VWC2: variants seen among roughly 807,000 people sequenced by gnomAD.
VWC2 encodes brorin.
In VWC2, 14 loss-of-function variants were observed where a neutral mutation model predicts 29.8. That is an observed-to-expected ratio of 0.47 (90% CI 0.31 to 0.74). The LOEUF (loss-of-function observed/expected upper bound fraction) is 0.74, where lower values mean the gene tolerates loss of function less well. Among genes scored for constraint, VWC2 ranks in the 30% least tolerant of loss-of-function variants. The probability of loss-of-function intolerance (pLI) is 0.05; values close to 1 mark genes in which losing one functional copy is unlikely to be tolerated. For synonymous variants in VWC2, 213 were observed against 199.0 expected, an observed-to-expected ratio of 1.07 and a Z score of -0.59; for missense variants, 457 against 459.8, an observed-to-expected ratio of 0.99 and a Z score of 0.05.
In VWC2 at chr7:49,915,095, A is replaced by G. The variant is rs1036607654; in HGVS notation, c.*2910A>G. The G allele has an allele frequency of 6.6e-6, 1 of 152,234 alleles. No individual in the cohort carries two copies. The highest frequency in any genetic ancestry group is 1.5e-5 in the Non-Finnish European group (1 of 68,042). The allele number at this position is 152,234 out of a possible 1,614,324, so 9.4% of individuals were successfully genotyped here. The stretch of plus-strand genomic sequence containing the variant: ...TTATCTGATGTCTTAGAGGTTTTCA[A>G]GTTAAATTCATTCTTTCAGTGATAG... On this transcript the variant is annotated 3_prime_UTR_variant, in exon 4 of 4. Transcript: ENST00000340652.
intron 2 of VWC2, among the ~76,000 whole-genome samples, chr7:49,779,758 G>A (rs1338550023): frequency 6.6e-6 from 1 of 152,150 alleles, no homozygotes; most frequent in African/African-American, 2.4e-5. Context: ...ACATTTCCAA[G>A]TAATCTGGAA....
chr7:49,896,063 C>T (rs1181523881), intron 3 of VWC2, among the ~76,000 whole-genome samples: 5 of 152,036 alleles, frequency 3.3e-5, no homozygotes, highest in Non-Finnish European at 5.9e-5. Context: ...AGTACAGGTC[C>T]GGTGTGGTGG....
intron 2 of VWC2, among the ~76,000 whole-genome samples, chr7:49,798,531 T>A (rs1788653067): frequency 6.6e-6 from 1 of 152,194 alleles, no homozygotes; most frequent in Admixed American, 6.5e-5. Context: ...CCTGGAGGAC[T>A]CTGAGCAGGA....
Position 49,775,877 on chromosome 7 carries a change from C to G in VWC2, c.442C>G (p.Pro148Ala). 6.4e-7 allele frequency: 1 copy of G among 1,557,872 alleles called. No individual in the cohort carries two copies. Among genetic ancestry groups the G allele is most frequent in the Non-Finnish European group, 8.7e-7 (1 of 1,151,690 alleles). The change falls in exon 2 of 4, where the codon CCG becomes GCG. Residue 148 changes from proline to alanine, a missense_variant. Physicochemically the swap from Pro to Ala is conservative, Grantham distance 27 (BLOSUM62 -1). This residue lies in a region of VWC2 where 185 missense variants were observed against 257.1 expected (regional missense o/e 0.72). Coordinates refer to ENST00000340652, the MANE Select transcript of VWC2 (RefSeq NM_198570.5). ...TPEPPEEYVYPDYRGKGCVDE... is the reference protein window; with the variant it reads ...TPEPPEEYVYADYRGKGCVDE... ...CGAGCCACCCGAGGAGTACGTGTAC[C>G]CGGACTACCGTGGCAAGGGCTGCGT...
intron 3 of VWC2, among the ~76,000 whole-genome samples, chr7:49,836,763 A>T (rs113847797): frequency 0.014 from 2,204 of 152,308 alleles, 34 homozygotes; most frequent in African/African-American, 0.036. Context: ...GGTTTTTTGT[A>T]TGCAAATAAT....
intron 3 of VWC2, among the ~76,000 whole-genome samples, chr7:49,890,311 C>G (rs1362108598): frequency 3.3e-5 from 5 of 152,088 alleles, no homozygotes; most frequent in Non-Finnish European, 7.4e-5. Context: ...GGGACACATG[C>G]AAAATTGTAT....
At chr7:49,869,264 A>G (rs1485933370) in intron 3 of VWC2, among the ~76,000 whole-genome samples, 2 of 152,192 alleles carry the variant, frequency 1.3e-5, no homozygotes, top group African/African-American at 2.4e-5. Flanking sequence ...AAGCCTTTGC[A>G]AAATACACAG....
intron 3 of VWC2, among the ~76,000 whole-genome samples, chr7:49,856,331 C>A (rs1405622445): frequency 2.0e-5 from 3 of 152,112 alleles, no homozygotes; most frequent in Admixed American, 2.0e-4. Context: ...GAGAGTCTGG[C>A]ACCTCCCTTT....
chr7:49,897,336 A>T (rs1352531137), intron 3 of VWC2, among the ~76,000 whole-genome samples: 1 of 152,216 alleles, frequency 6.6e-6, no homozygotes, highest in Non-Finnish European at 1.5e-5. Flanking sequence ...AAAACCAAAG[A>T]CAGTGAAAAA....
chr7:49,834,195 G>C (rs1262214583), intron 3 of VWC2, among the ~76,000 whole-genome samples: 1 of 152,156 alleles, frequency 6.6e-6, no homozygotes, highest in East Asian at 1.9e-4. Flanking sequence ...GTTCTGGTTA[G>C]CTGAATATCA....
At chr7:49,810,399 A>C (rs1160892595) in intron 3 of VWC2, among the ~76,000 whole-genome samples, 2 of 152,102 alleles carry the variant, frequency 1.3e-5, no homozygotes, top group African/African-American at 4.8e-5. Flanking sequence ...AGGACATATA[A>C]ATAAATGGAG....
intron 3 of VWC2, among the ~76,000 whole-genome samples, chr7:49,865,939 A>G (rs1399824945): frequency 6.6e-6 from 1 of 152,240 alleles, no homozygotes. Flanking sequence ...CCAGTTGAGA[A>G]AGTCTACTCG....
chr7:49,865,902 C>T (rs1001736301), intron 3 of VWC2, among the ~76,000 whole-genome samples: 3 of 152,190 alleles, frequency 2.0e-5, no homozygotes, highest in African/African-American at 7.2e-5. Context: ...GGAACAATGT[C>T]CTTAAGATTC....
intron 2 of VWC2, among the ~76,000 whole-genome samples, chr7:49,788,537 G>A (rs991769942): frequency 2.0e-5 from 3 of 151,414 alleles, no homozygotes; most frequent in Non-Finnish European, 4.4e-5. Flanking sequence ...GAGACAGTGT[G>A]AGTGTATGTG....
At position 49,826,862 on chromosome 7, in the gene VWC2, C is replaced by CT. The variant is rs201740365; in HGVS notation, c.826+24030dup. Among the ~76,000 whole-genome samples, 196 of 152,030 alleles carry CT rather than the reference C, an allele frequency of 1.3e-3. 2 individuals carry two copies. In the East Asian group the frequency reaches 0.025, roughly 20 times the overall value. On this transcript the variant is annotated intron_variant, in intron 3 of 3. Coordinates refer to ENST00000340652, the MANE Select transcript of VWC2 (RefSeq NM_198570.5). ...CTGATGGGTGGACTATATAAATATA[C>CT]TTTTTTTTCCTAGCAAGTACCATGT...
intron 3 of VWC2, among the ~76,000 whole-genome samples, chr7:49,859,785 T>TGCGC (rs200452451): frequency 1.0e-4 from 8 of 80,012 alleles, no homozygotes; most frequent in African/African-American, 2.4e-4. Flanking sequence ...ACAGTGCGCG[T>TGCGC]GCGTGCACAC....
chr7:49,874,410 C>T (rs1024146049), intron 3 of VWC2, among the ~76,000 whole-genome samples: 6 of 152,006 alleles, frequency 3.9e-5, no homozygotes, highest in East Asian at 1.9e-4. Context: ...TAGGCTATAT[C>T]GTACAGCCTA....
intron 3 of VWC2, among the ~76,000 whole-genome samples, chr7:49,875,763 A>G (rs1791390664): frequency 6.6e-6 from 1 of 152,142 alleles, no homozygotes; most frequent in Non-Finnish European, 1.5e-5. Flanking sequence ...AGCCCTTAAA[A>G]CAATGCCATA....
At chr7:49,898,113 A>ATG (rs773381433) in intron 3 of VWC2, among the ~76,000 whole-genome samples, 11 of 151,208 alleles carry the variant, frequency 7.3e-5, no homozygotes, top group Non-Finnish European at 1.3e-4. Context: ...CTTTACATAT[A>ATG]TGTGTGTGTG....
Sources: allele counts gnomAD v4.1 joint callset (sites outside exome capture counted in the v4.1 genomes callset), GRCh38; gene constraint gnomAD v4.1.1; regional missense constraint gnomAD v4.1.1; transcripts MANE v1.5; gene names NCBI Gene and HGNC (gene_info 2026-07-23, HGNC 2026-07-21).